Variants in B3GAT2 observed in about 807,000 individuals in gnomAD.
B3GAT2 encodes beta-1,3-glucuronyltransferase 2, also known as galactosylgalactosylxylosylprotein 3-beta-glucuronosyltransferase 2.
Under a neutral mutation model 27.8 loss-of-function variants are expected in B3GAT2, and 26 were observed. The ratio of observed to expected loss-of-function variants is 0.93; its 90% confidence interval spans 0.68 to 1.30. The LOEUF (loss-of-function observed/expected upper bound fraction) is 1.30. Ranked by LOEUF, B3GAT2 falls within the 50% of genes most tolerant of loss-of-function variation. B3GAT2 has a pLI of 0.00. For synonymous variants in B3GAT2, 218 were observed against 195.1 expected (o/e 1.12, Z -0.98); for missense variants, 458 against 459.0 (o/e 1.00, Z 0.02).
At chr6:70,954,200 G>A (rs1765615438) in intron 1 of B3GAT2, among the ~76,000 whole-genome samples, 1 of 152,190 alleles carries the variant, frequency 6.6e-6, no homozygotes, top group Admixed American at 6.5e-5. Flanking sequence ...TACAGTCTTT[G>A]CTTCAGATGC....
At chr6:70,953,818 A>C (rs1480789003) in intron 1 of B3GAT2, among the ~76,000 whole-genome samples, 3 of 151,192 alleles carry the variant, frequency 2.0e-5, no homozygotes, top group Admixed American at 2.0e-4. Flanking sequence ...TTTTCTCCTT[A>C]CCCTCTCCTC....
At position 70,858,404 on chromosome 6, in the gene B3GAT2, T is replaced by C. The variant is rs767567406; in HGVS notation, c.*3259A>G. 18 of 558,768 alleles carry C rather than the reference T, an allele frequency of 3.2e-5. No individual in the cohort carries two copies. Among genetic ancestry groups the C allele is most frequent in the African/African-American group, 3.2e-4 (16 of 50,066 alleles). 34.6% of individuals were successfully genotyped at this position (558,768 alleles called of 1,614,324 possible). ...ATAAATATTATGAAGTTGTATCAGA[T>C]AGACAAATGATGTGTTATTATCGCT... On this transcript the variant is annotated 3_prime_UTR_variant, in exon 4 of 4. Transcript: ENST00000230053.
At chr6:70,949,800 A>C (rs1439513858) in intron 1 of B3GAT2, among the ~76,000 whole-genome samples, 1 of 151,688 alleles carries the variant, frequency 6.6e-6, no homozygotes, top group Non-Finnish European at 1.5e-5. Flanking sequence ...ACTTGGAACC[A>C]ACCCAAATGT....
intron 1 of B3GAT2, among the ~76,000 whole-genome samples, chr6:70,903,324 G>A (rs186156430): frequency 2.6e-5 from 4 of 151,964 alleles, no homozygotes; most frequent in Admixed American, 6.6e-5. Flanking sequence ...CCTTAAACAC[G>A]ACATAAATAA....
At chr6:70,902,026 C>T (rs894294689) in intron 1 of B3GAT2, among the ~76,000 whole-genome samples, 1 of 152,112 alleles carries the variant, frequency 6.6e-6, no homozygotes. Context: ...TAAAGTAATA[C>T]TGCTTATACA....
rs113256645 is a variant in B3GAT2 at position 70,900,715 on chromosome 6, C to T, written c.592-6443G>A. ...CCAGGGACTGGAACACTCAGAAGAT[C>T]ACATTCAGGCAATCATCAGAATGCC... On this transcript the variant is annotated intron_variant, in intron 1 of 3. Transcript: ENST00000230053. Among the ~76,000 whole-genome samples, 892 of 152,322 alleles carry T rather than the reference C, an allele frequency of 5.9e-3. 3 individuals are homozygous for T. The highest frequency in any genetic ancestry group is 0.02 in the Middle Eastern group (6 of 294).
intron 2 of B3GAT2, among the ~76,000 whole-genome samples, chr6:70,873,496 A>T (rs1170152510): frequency 6.6e-6 from 1 of 151,956 alleles, no homozygotes; most frequent in East Asian, 1.9e-4. Flanking sequence ...TACTCTCAAG[A>T]TTCTCTTCAT....
intron 2 of B3GAT2, among the ~76,000 whole-genome samples, chr6:70,889,346 C>A (rs1431626452): frequency 1.5e-4 from 23 of 152,264 alleles, no homozygotes; most frequent in African/African-American, 5.3e-4. Context: ...CACCATCTGT[C>A]TTTCCTACTC....
At chr6:70,896,598 T>G (rs1041096287) in intron 1 of B3GAT2, among the ~76,000 whole-genome samples, 3 of 152,188 alleles carry the variant, frequency 2.0e-5, no homozygotes, top group Non-Finnish European at 4.4e-5. Context: ...TAACTATACA[T>G]TAGTTTGCAT....
intron 1 of B3GAT2, among the ~76,000 whole-genome samples, chr6:70,932,978 T>G (rs2150046485): frequency 6.6e-6 from 1 of 152,172 alleles, no homozygotes; most frequent in East Asian, 1.9e-4. Context: ...TTTAAAAATT[T>G]TTGTAGAGTT....
At chr6:70,936,876 T>C (rs1765290696) in intron 1 of B3GAT2, among the ~76,000 whole-genome samples, 1 of 152,072 alleles carries the variant, frequency 6.6e-6, no homozygotes, top group South Asian at 2.1e-4. Flanking sequence ...ATTCAAAAGC[T>C]AGCAGAAGGC....
At position 70,860,393 on chromosome 6, in the gene B3GAT2, C is replaced by G. The variant is rs1055905131; in HGVS notation, c.*1270G>C. 4.5e-6 allele frequency: 7 copies of G among 1,553,652 alleles called. No homozygotes were observed. In the South Asian group the frequency reaches 5.0e-5, roughly 11 times the overall value. On this transcript the variant is annotated 3_prime_UTR_variant, in exon 4 of 4. Coordinates refer to ENST00000230053, the MANE Select transcript of B3GAT2 (RefSeq NM_080742.3). ...CCTGACATTCCTTGCTGAAACGCAT[C>G]TAGTTCCCCTGTTTATTCATATGCA...
intron 1 of B3GAT2, among the ~76,000 whole-genome samples, chr6:70,915,443 C>A (rs1006620745): frequency 2.6e-4 from 39 of 152,136 alleles, no homozygotes; most frequent in African/African-American, 9.2e-4. Flanking sequence ...GCTTTTGTTG[C>A]CACTGCTTTT....
At chr6:70,920,652 T>C (rs1432233316) in intron 1 of B3GAT2, among the ~76,000 whole-genome samples, 1 of 152,232 alleles carries the variant, frequency 6.6e-6, no homozygotes, top group African/African-American at 2.4e-5. Context: ...AATACTTATA[T>C]GTGTTGATTT....
intron 1 of B3GAT2, among the ~76,000 whole-genome samples, chr6:70,913,173 G>A (rs1171143412): frequency 6.6e-6 from 1 of 151,962 alleles, no homozygotes; most frequent in Non-Finnish European, 1.5e-5. Flanking sequence ...ATTCAGTTCA[G>A]TTCTTGTTTT....
At chr6:70,927,730 A>C (rs528749887) in intron 1 of B3GAT2, among the ~76,000 whole-genome samples, 4 of 152,284 alleles carry the variant, frequency 2.6e-5, no homozygotes, top group African/African-American at 9.6e-5. Context: ...TAATAATGGG[A>C]GACAATAATG....
At chr6:70,863,014 T>C (rs906801020) in intron 2 of B3GAT2, among the ~76,000 whole-genome samples, 2 of 152,184 alleles carry the variant, frequency 1.3e-5, no homozygotes, top group African/African-American at 4.8e-5. Context: ...ATCTGTAGTT[T>C]AACAAACTGT....
intron 2 of B3GAT2, among the ~76,000 whole-genome samples, chr6:70,888,214 AG>A (rs1772222825): frequency 6.8e-6 from 1 of 147,208 alleles, no homozygotes; most frequent in African/African-American, 2.6e-5. Flanking sequence ...AACTTCAGTC[AG>A]GTGATGTGAT....
rs933216810 is a variant in B3GAT2, at chr6:70,860,267, C to T, written c.*1396G>A. 6.2e-7 allele frequency: 1 copy of T among 1,613,770 alleles called. No homozygotes were observed. The highest frequency in any genetic ancestry group is 8.5e-7 in the Non-Finnish European group (1 of 1,179,868). On this transcript the variant is annotated 3_prime_UTR_variant, in exon 4 of 4. Coordinates refer to ENST00000230053, the MANE Select transcript of B3GAT2 (RefSeq NM_080742.3). ...CCTACTGCAGGTTTTGGCCAGCCCT[C>T]CAGCACAACAGCAGGATGGTCTGGA...
Sources: gnomAD v4.1 joint callset for allele counts (sites outside exome capture counted in the v4.1 genomes callset) on GRCh38, gnomAD v4.1.1 for gene constraint, MANE v1.5 for transcripts, NCBI Gene and HGNC (gene_info 2026-07-23, HGNC 2026-07-21) for gene names.